Variants in CNTNAP2 observed in about 807,000 individuals in gnomAD.
CNTNAP2 encodes contactin associated protein 2.
CNTNAP2 carries 98 observed loss-of-function variants against 155.2 expected under a neutral mutation model. That is an observed-to-expected ratio of 0.63 (90% CI 0.54 to 0.75). The LOEUF is 0.75. Among genes scored for constraint, CNTNAP2 ranks in the 30% least tolerant of loss-of-function variants. The pLI, the probability that CNTNAP2 is intolerant of heterozygous loss-of-function variation, is 0.00. For synonymous variants in CNTNAP2, 651 were observed against 631.2 expected (o/e 1.03, Z -0.47); for missense variants, 1,727 against 1,688.1 (o/e 1.02, Z -0.40).
intron 10 of CNTNAP2, among the ~76,000 whole-genome samples, chr7:147,441,369 T>C (rs983791189): frequency 1.1e-4 from 17 of 152,144 alleles, no homozygotes; most frequent in Non-Finnish European, 2.2e-4. Flanking sequence ...CTCTGTGTTA[T>C]CTTGAATTTC....
intron 12 of CNTNAP2, among the ~76,000 whole-genome samples, chr7:147,579,840 T>C (rs1800465535): frequency 6.6e-6 from 1 of 152,182 alleles, no homozygotes; most frequent in African/African-American, 2.4e-5. Context: ...AAACCATCAA[T>C]GGTACATACA....
chr7:147,713,653 G>A (rs1007898293), intron 13 of CNTNAP2, among the ~76,000 whole-genome samples: 3 of 152,116 alleles, frequency 2.0e-5, no homozygotes, highest in African/African-American at 7.2e-5. Flanking sequence ...TTGGAAAAAT[G>A]CCTGGGAGTG....
At chr7:147,907,441 T>G (rs1799982753) in intron 14 of CNTNAP2, among the ~76,000 whole-genome samples, 1 of 152,196 alleles carries the variant, frequency 6.6e-6, no homozygotes, top group Non-Finnish European at 1.5e-5. Context: ...ATCTTCTTGG[T>G]CTTTGAATTC....
intron 15 of CNTNAP2, among the ~76,000 whole-genome samples, chr7:148,103,967 G>A (rs1374638511): frequency 6.6e-6 from 1 of 151,908 alleles, no homozygotes. Flanking sequence ...AGATTTTTTG[G>A]CCTTTATAGT....
intron 1 of CNTNAP2, among the ~76,000 whole-genome samples, chr7:146,180,078 A>T (rs760729442): frequency 6.6e-6 from 1 of 152,108 alleles, no homozygotes; most frequent in Non-Finnish European, 1.5e-5. Context: ...ATGTTTTTGG[A>T]TGTCTTGGTA....
chr7:147,876,801 C>G (rs982755174), intron 13 of CNTNAP2, among the ~76,000 whole-genome samples: 10 of 152,084 alleles, frequency 6.6e-5, no homozygotes, highest in South Asian at 4.2e-4. Flanking sequence ...CTGAGACCAC[C>G]AGGAGCACAC....
chr7:148,350,082 G>A (rs1798400958), intron 21 of CNTNAP2, among the ~76,000 whole-genome samples: 1 of 152,192 alleles, frequency 6.6e-6, no homozygotes, highest in African/African-American at 2.4e-5. Flanking sequence ...TAGCAGGGAG[G>A]CCACTGCTGG....
At chr7:147,901,023 A>T (rs943906503) in intron 13 of CNTNAP2, among the ~76,000 whole-genome samples, 1 of 152,072 alleles carries the variant, frequency 6.6e-6, no homozygotes, top group Admixed American at 6.6e-5. Context: ...CCCTACCTTC[A>T]TGGAGCATAG....
At chr7:147,690,236 G>T (rs780828661) in intron 13 of CNTNAP2, among the ~76,000 whole-genome samples, 3 of 151,976 alleles carry the variant, frequency 2.0e-5, no homozygotes, top group Admixed American at 6.6e-5. Flanking sequence ...TTTTTTCCCT[G>T]TCCACCAGGC....
chr7:147,945,335 G>T (rs1800799547), intron 14 of CNTNAP2, among the ~76,000 whole-genome samples: 1 of 151,878 alleles, frequency 6.6e-6, no homozygotes, highest in African/African-American at 2.4e-5. Context: ...AATCAATTTG[G>T]AATAATTAAG....
intron 22 of CNTNAP2, among the ~76,000 whole-genome samples, chr7:148,391,654 G>A (rs934679064): frequency 5.3e-5 from 8 of 152,174 alleles, no homozygotes; most frequent in African/African-American, 1.7e-4. Context: ...GGCAATTGCC[G>A]TGATTTACCT....
At chr7:147,866,571 T>C (rs867706021) in intron 13 of CNTNAP2, among the ~76,000 whole-genome samples, 1 of 152,186 alleles carries the variant, frequency 6.6e-6, no homozygotes, top group African/African-American at 2.4e-5. Context: ...CTTGTAGGTC[T>C]CTAAGGACTT....
At chr7:146,683,028 A>T (rs1221972939) in intron 1 of CNTNAP2, among the ~76,000 whole-genome samples, 1 of 151,608 alleles carries the variant, frequency 6.6e-6, no homozygotes, top group East Asian at 1.9e-4. Context: ...ATAACATTGT[A>T]TATAAAGTCT....
intron 12 of CNTNAP2, among the ~76,000 whole-genome samples, chr7:147,600,647 T>C (rs1322309465): frequency 6.6e-6 from 1 of 152,186 alleles, no homozygotes; most frequent in Non-Finnish European, 1.5e-5. Context: ...CCCTCTCTCT[T>C]GTTGGTTGTC....
At chr7:146,647,476 G>A (rs905065127) in intron 1 of CNTNAP2, among the ~76,000 whole-genome samples, 8 of 152,030 alleles carry the variant, frequency 5.3e-5, no homozygotes, top group African/African-American at 1.9e-4. Context: ...AACTTCTCTT[G>A]TTTGTTTCTT....
chr7:148,086,271 C>T (rs896638324), intron 15 of CNTNAP2, among the ~76,000 whole-genome samples: 45 of 151,910 alleles, frequency 3.0e-4, no homozygotes, highest in Non-Finnish European at 5.6e-4. Flanking sequence ...TCTTTAATGC[C>T]CATTTTTTAG....
chr7:148,330,594 G>T (rs1340398311), intron 21 of CNTNAP2, among the ~76,000 whole-genome samples: 1 of 139,138 alleles, frequency 7.2e-6, no homozygotes, highest in African/African-American at 2.5e-5. Flanking sequence ...TGGAGTGGAC[G>T]GATGAAGTGG....
chr7:146,379,786 G>A (rs1206844229), intron 1 of CNTNAP2, among the ~76,000 whole-genome samples: 2 of 151,946 alleles, frequency 1.3e-5, no homozygotes, highest in African/African-American at 2.4e-5. Context: ...CATGTGGGAC[G>A]ATAATTTGGG....
chr7:147,431,739 T>C (rs191511587), intron 10 of CNTNAP2, among the ~76,000 whole-genome samples: 1 of 152,338 alleles, frequency 6.6e-6, no homozygotes, highest in African/African-American at 2.4e-5. Context: ...AAACAATTTC[T>C]TATGTTGGTT....
Sources: allele counts gnomAD v4.1 joint callset (sites outside exome capture counted in the v4.1 genomes callset), GRCh38; gene constraint gnomAD v4.1.1; transcripts MANE v1.5; gene names NCBI Gene and HGNC (gene_info 2026-07-23, HGNC 2026-07-21).